The following ASIC2 variants were observed in gnomAD, a reference collection of about 807,000 sequenced individuals.
The protein encoded by ASIC2 is acid sensing ion channel subunit 2.
In ASIC2, 25 loss-of-function variants were observed where a neutral mutation model predicts 57.3. The observed-to-expected ratio is 0.44, with a 90% CI of 0.32 to 0.61. The LOEUF (loss-of-function observed/expected upper bound fraction) is 0.61. Among genes scored for constraint, ASIC2 ranks in the 20% least tolerant of loss-of-function variants. The probability of loss-of-function intolerance (pLI) is 0.06; values close to 1 mark genes in which losing one functional copy is unlikely to be tolerated. For missense variants in ASIC2, 641 were observed against 738.1 expected, an observed-to-expected ratio of 0.87 and a Z score of 1.52; for synonymous variants, 319 against 307.5, an observed-to-expected ratio of 1.04 and a Z score of -0.39.
chr17:34,018,276 T>C (rs969375253), intron 1 of ASIC2, among the ~76,000 whole-genome samples: 19 of 152,160 alleles, frequency 1.2e-4, no homozygotes, highest in African/African-American at 4.1e-4. Context: ...TACAGCATGG[T>C]TTACTGAATA....
chr17:33,128,224 C>G (rs2092331931), intron 1 of ASIC2, among the ~76,000 whole-genome samples: 1 of 152,228 alleles, frequency 6.6e-6, no homozygotes, highest in Non-Finnish European at 1.5e-5. Context: ...TCACACTGGA[C>G]AGTCTGCTCA....
chr17:33,263,048 A>C (rs1909340892), intron 1 of ASIC2, among the ~76,000 whole-genome samples: 1 of 152,206 alleles, frequency 6.6e-6, no homozygotes, highest in Non-Finnish European at 1.5e-5. Context: ...AATGTAATGA[A>C]TGCTGCTTCA....
intron 1 of ASIC2, among the ~76,000 whole-genome samples, chr17:33,278,395 C>A (rs1280969453): frequency 6.6e-6 from 1 of 151,954 alleles, no homozygotes; most frequent in East Asian, 1.9e-4. Flanking sequence ...TCTCTGTAGT[C>A]CCAGCTACTT....
intron 1 of ASIC2, chr17:34,071,392 T>C (rs11653951): frequency 0.49 from 74,338 of 152,020 alleles, 21,518 homozygotes; most frequent in Non-Finnish European, 0.64. Context: ...ATCTGCACTG[T>C]TCTCTTCTGA....
intron 1 of ASIC2, among the ~76,000 whole-genome samples, chr17:33,901,488 CT>C (rs1192583087): frequency 6.6e-6 from 1 of 152,124 alleles, no homozygotes; most frequent in Non-Finnish European, 1.5e-5. Flanking sequence ...TCCCTTATTC[CT>C]CTTTTTCATT....
chr17:33,061,048 A>G (rs2092018519), intron 3 of ASIC2, among the ~76,000 whole-genome samples: 1 of 152,192 alleles, frequency 6.6e-6, no homozygotes, highest in Non-Finnish European at 1.5e-5. Flanking sequence ...TTATCAGCTT[A>G]AGGAGATTTT....
intron 1 of ASIC2, among the ~76,000 whole-genome samples, chr17:33,516,400 GA>G (rs1914570543): frequency 2.2e-5 from 2 of 89,094 alleles, no homozygotes; most frequent in Admixed American, 2.0e-4. Flanking sequence ...GTGTGTTTGT[GA>G]GTGTGAGTGT....
At chr17:33,107,830 C>T (rs1403344742) in intron 2 of ASIC2, among the ~76,000 whole-genome samples, 1 of 152,184 alleles carries the variant, frequency 6.6e-6, no homozygotes, top group Non-Finnish European at 1.5e-5. Flanking sequence ...TGGTTCCCTC[C>T]CTGCTTCCTG....
intron 1 of ASIC2, among the ~76,000 whole-genome samples, chr17:33,779,615 G>A (rs1257731213): frequency 6.6e-6 from 1 of 152,202 alleles, no homozygotes; most frequent in Non-Finnish European, 1.5e-5. Flanking sequence ...GCTGGGGGTT[G>A]TGGGGAAAGT....
intron 1 of ASIC2, chr17:33,541,376 C>G (rs967038088): frequency 1.3e-5 from 2 of 152,168 alleles, no homozygotes; most frequent in African/African-American, 4.8e-5. Context: ...AATGTCCCCC[C>G]CGAACAGAGT....
chr17:33,843,670 C>T (rs1232816814), intron 1 of ASIC2, among the ~76,000 whole-genome samples: 2 of 152,164 alleles, frequency 1.3e-5, no homozygotes, highest in Non-Finnish European at 2.9e-5. Context: ...GCTCATCTGG[C>T]AATCTCAGGG....
chr17:33,023,118 G>A (rs2091844200), intron 6 of ASIC2, among the ~76,000 whole-genome samples: 1 of 152,098 alleles, frequency 6.6e-6, no homozygotes, highest in Non-Finnish European at 1.5e-5. Context: ...CAGTTAGGTG[G>A]AGGCTGGGAG....
At chr17:33,264,451 A>G (rs1479574288) in intron 1 of ASIC2, among the ~76,000 whole-genome samples, 3 of 152,250 alleles carry the variant, frequency 2.0e-5, no homozygotes, top group African/African-American at 7.2e-5. Flanking sequence ...GGTGAAGCAA[A>G]TTGCCCAGAG....
chr17:33,159,617 T>C (rs1217145858), intron 1 of ASIC2, among the ~76,000 whole-genome samples: 1 of 152,178 alleles, frequency 6.6e-6, no homozygotes, highest in Non-Finnish European at 1.5e-5. Flanking sequence ...CCTTTCTCAA[T>C]GGAGGACTTT....
intron 1 of ASIC2, among the ~76,000 whole-genome samples, chr17:33,381,902 A>G (rs185185526): frequency 6.6e-6 from 1 of 152,208 alleles, no homozygotes; most frequent in Non-Finnish European, 1.5e-5. Flanking sequence ...GTAAAGATGA[A>G]CCAAAGTGAG....
chr17:33,638,098 A>C (rs1460944101), intron 1 of ASIC2, among the ~76,000 whole-genome samples: 1 of 152,140 alleles, frequency 6.6e-6, no homozygotes, highest in Non-Finnish European at 1.5e-5. Flanking sequence ...CAAAAGACAA[A>C]TCTTAGGTTC....
intron 1 of ASIC2, among the ~76,000 whole-genome samples, chr17:33,836,785 G>A (rs967683982): frequency 3.9e-5 from 6 of 152,014 alleles, no homozygotes; most frequent in South Asian, 2.1e-4. Flanking sequence ...TCTGGGAGGC[G>A]GAGTTTACAG....
At chr17:33,673,455 A>G (rs1907703895) in intron 1 of ASIC2, among the ~76,000 whole-genome samples, 2 of 152,196 alleles carry the variant, frequency 1.3e-5, no homozygotes, top group African/African-American at 4.8e-5. Context: ...AAGTCATATA[A>G]TATCAGAGCT....
chr17:33,986,863 C>T (rs1905837153), intron 1 of ASIC2, among the ~76,000 whole-genome samples: 1 of 152,118 alleles, frequency 6.6e-6, no homozygotes, highest in South Asian at 2.1e-4. Context: ...ATATACTCTC[C>T]ACAACACCAA....
Sources: allele counts gnomAD v4.1 joint callset (sites outside exome capture counted in the v4.1 genomes callset), GRCh38; gene constraint gnomAD v4.1.1; transcripts MANE v1.5; gene names NCBI Gene and HGNC (gene_info 2026-07-23, HGNC 2026-07-21).